UTP20: variants seen among roughly 807,000 people sequenced by gnomAD.
UTP20 encodes the protein UTP20 small subunit processome component, also known as small subunit processome component 20 homolog.
UTP20 carries 164 observed loss-of-function variants against 329.5 expected under a neutral mutation model. That is an observed-to-expected ratio of 0.50 (90% CI 0.44 to 0.57). The LOEUF is 0.57. UTP20 is among the 20% of genes least tolerant of loss of function. UTP20 has a pLI of 0.00. For synonymous variants in UTP20, 1,151 were observed against 1,159.3 expected, an observed-to-expected ratio of 0.99 and a Z score of 0.14; for missense variants, 3,055 against 3,284.2, an observed-to-expected ratio of 0.93 and a Z score of 1.71.
Position 101,280,318 on chromosome 12 carries a change from C to T in UTP20, c.36C>T (p.Asn12=), listed in dbSNP as rs1456307554. 6.4e-7 allele frequency: 1 copy of T among 1,551,748 alleles called. No homozygotes were observed. Among genetic ancestry groups the T allele is most frequent in the East Asian group, 2.4e-5 (1 of 40,926 alleles). ...AGCCCGTTTCCCACAAGACCGAGAA[C>T]ACCTACCGGGTGAGCGCGGGAGCTT... ...KTKPVSHKTE[N]TYRFLTFAER... The change falls in exon 1 of 62, where the codon AAC becomes AAT. Residue 12 remains asparagine (N), a synonymous_variant. Coordinates refer to ENST00000261637, the MANE Select transcript of UTP20 (RefSeq NM_014503.3).
rs370435453 is a variant in UTP20 at position 101,340,505 on chromosome 12, C to T, written c.4014-18C>T. 8.0e-6 allele frequency: 12 copies of T among 1,507,808 alleles called. No individual in the cohort carries two copies. Among genetic ancestry groups the T allele is most frequent in the East Asian group, 6.8e-5 (3 of 44,154 alleles). The allele number at this position is 1,507,808 out of a possible 1,614,324, so 93.4% of individuals were successfully genotyped here. Reference sequence around the variant, plus strand: ...TCCTTGTATATGTTCCTTATATATCCGTTTTTTCCTTCTTTAGGATCAGCA... The same window carrying T: ...TCCTTGTATATGTTCCTTATATATCTGTTTTTTCCTTCTTTAGGATCAGCA... On this transcript the variant is annotated intron_variant, in intron 31 of 61. Coordinates refer to ENST00000261637, the MANE Select transcript of UTP20 (RefSeq NM_014503.3).
Position 101,346,513 on chromosome 12 carries a change from T to C in UTP20, c.4809T>C (p.Val1603=). ...AACAACTAATGGAAGGCAAAGTTGT[T>C]CTGTCTTCTAAATCTCTTCAGAATT... ...LAKQLMEGKV[V]LSSKSLQNYI... is the part of the protein sequence containing the mutation. The change falls in exon 38 of 62, where the codon GTT becomes GTC. Residue 1603 remains valine (V), a synonymous_variant. Transcript: ENST00000261637. The C allele has an allele frequency of 6.2e-7, 1 of 1,610,680 alleles. No homozygotes were observed. Among genetic ancestry groups the C allele is most frequent in the Non-Finnish European group, 8.5e-7 (1 of 1,178,668 alleles).
chr12:101,308,935 G>A (rs1206990087), intron 18 of UTP20, among the ~76,000 whole-genome samples: 3 of 151,938 alleles, frequency 2.0e-5, no homozygotes, highest in Non-Finnish European at 2.9e-5. Context: ...GGGTTTCACC[G>A]TGTTAGCCAG....
At chr12:101,311,965 C>A (rs1444043941) in intron 20 of UTP20, 71 bp from the exon 21 acceptor site, 8 of 1,596,556 alleles carry the variant, frequency 5.0e-6, no homozygotes, top group African/African-American at 1.3e-5. Context: ...AAGAAATGCC[C>A]TCTCTTGAGA....
intron 14 of UTP20, among the ~76,000 whole-genome samples, chr12:101,300,839 A>G (rs527965854): frequency 2.6e-5 from 4 of 152,194 alleles, no homozygotes; most frequent in Non-Finnish European, 4.4e-5. Context: ...CTGTAGCCAT[A>G]TGTGACTGGT....
At chr12:101,347,170 A>G (rs1051875818) in intron 38 of UTP20, among the ~76,000 whole-genome samples, 18 of 152,196 alleles carry the variant, frequency 1.2e-4, no homozygotes, top group Admixed American at 9.8e-4. Flanking sequence ...TTTATATTAC[A>G]CAGTGCCTAG....
chr12:101,344,780 G>C, intron 36 of UTP20, 30 bp downstream of exon 36: 1 of 1,596,492 alleles, frequency 6.3e-7, no homozygotes, highest in Non-Finnish European at 8.5e-7. Context: ...AGGCACTACT[G>C]TCTGAGGCTG....
At chr12:101,333,278 A>G (rs777367990) in intron 27 of UTP20, 23 bp from the exon 28 acceptor site, 47 of 1,607,240 alleles carry the variant, frequency 2.9e-5, no homozygotes, top group Non-Finnish European at 4.0e-5. Context: ...GTATTTTTTG[A>G]ACAGAAGATC....
chr12:101,327,042 A>G, intron 25 of UTP20, 39 bp from the exon 26 acceptor site: 1 of 1,552,774 alleles, frequency 6.4e-7, no homozygotes, highest in Non-Finnish European at 8.8e-7. Flanking sequence ...ATATTTTAGA[A>G]TTAATGTGCA....
rs144178978 is a variant in UTP20, at chr12:101,306,723, C to G, written c.1957C>G (p.Leu653Val). ...GATTCGGCTTTTGACAATAAGGATCCTAAACCATTTTGATGTCCAGCTTCC... is the reference window on the plus strand; with the variant it reads ...GATTCGGCTTTTGACAATAAGGATCGTAAACCATTTTGATGTCCAGCTTCC... ...SKIRLLTIRI[L>V]NHFDVQLPES... Residue 653 changes from leucine (L) to valine (V), a missense_variant, in exon 17 of 62, where the codon CTA becomes GTA. Around this residue, in one of 3 missense-constraint regions of UTP20, gnomAD observed 2,445 missense variants for 2,575.5 expected, o/e 0.95. Transcript: ENST00000261637. 1.4e-5 allele frequency: 23 copies of G among 1,606,328 alleles called. No homozygotes were observed. In the African/African-American group the frequency reaches 2.8e-4, roughly 20 times the overall value.
chr12:101,382,938 G>T, intron 58 of UTP20, 103 bp from the exon 59 acceptor site: 12 of 1,377,894 alleles, frequency 8.7e-6, no homozygotes, highest in East Asian at 2.5e-5. Context: ...GTTTGTTTTT[G>T]TTTTCTAATT....
At chr12:101,303,507 G>A (rs1872578046) in intron 15 of UTP20, among the ~76,000 whole-genome samples, 1 of 152,144 alleles carries the variant, frequency 6.6e-6, no homozygotes, top group Non-Finnish European at 1.5e-5. Context: ...TGCGGTCTGG[G>A]CTGCTCCCTG....
Position 101,378,703 on chromosome 12 carries a change from G to A in UTP20, c.7397-668G>A, listed in dbSNP as rs116560761. 7.8e-3 allele frequency among the ~76,000 whole-genome samples: 1,178 copies of A among 151,382 alleles called. 15 individuals carry two copies. The highest frequency in any genetic ancestry group is 0.028 in the African/African-American group (1,135 of 41,226). ...CACTGCACTCCAGCCTGGGCAATGG[G>A]AATGAAACCCTGTCGCAAAAAAAAA... On this transcript the variant is annotated intron_variant, in intron 56 of 61. Coordinates refer to ENST00000261637, the MANE Select transcript of UTP20 (RefSeq NM_014503.3).
Position 101,338,032 on chromosome 12 carries a change from A to G in UTP20, c.3642-19A>G. Reference sequence around the variant, plus strand: ...ACATATTGAGAATAAGATGATTACTACAATGTTTTTTCTTCCAGATATTTC... The same window carrying G: ...ACATATTGAGAATAAGATGATTACTGCAATGTTTTTTCTTCCAGATATTTC... On this transcript the variant is annotated intron_variant, in intron 29 of 61. Coordinates refer to ENST00000261637, the MANE Select transcript of UTP20 (RefSeq NM_014503.3). 1.2e-6 allele frequency: 2 copies of G among 1,608,974 alleles called. No individual in the cohort carries two copies. Among genetic ancestry groups the G allele is most frequent in the East Asian group, 2.2e-5 (1 of 44,846 alleles).
At position 101,301,827 on chromosome 12, in the gene UTP20, G is replaced by A. The variant is rs534477707; in HGVS notation, c.1676-621G>A. Among the ~76,000 whole-genome samples, 207 of 152,236 alleles carry A rather than the reference G, an allele frequency of 1.4e-3. 1 individual carries two copies. The highest frequency in any genetic ancestry group is 4.7e-3 in the African/African-American group (194 of 41,540). ...AAATCCAAGCCTGCACTCCTCAAAA[G>A]TACTAGTTTTGATAACATCAGTGAG... is the stretch of plus-strand genomic sequence containing the variant. On this transcript the variant is annotated intron_variant, in intron 14 of 61. Coordinates refer to ENST00000261637, the MANE Select transcript of UTP20 (RefSeq NM_014503.3).
chr12:101,360,256 G>C (rs1869867990), intron 43 of UTP20, among the ~76,000 whole-genome samples: 1 of 152,204 alleles, frequency 6.6e-6, no homozygotes, highest in African/African-American at 2.4e-5. Flanking sequence ...TTACAGGAAA[G>C]TTGGGCACAG....
chr12:101,291,052 A>AT (rs1872129850), intron 8 of UTP20, 164 bp downstream of exon 8: 2 of 624,888 alleles, frequency 3.2e-6, no homozygotes, highest in Non-Finnish European at 4.9e-6. Flanking sequence ...CCCCTGTGCT[A>AT]TTTTTTATTT....
In UTP20 at chr12:101,308,193, G is replaced by A; in HGVS notation, c.2004G>A (p.Gly668=). The A allele has an allele frequency of 6.2e-7, 1 of 1,606,152 alleles. No individual in the cohort carries two copies. The highest frequency in any genetic ancestry group is 8.5e-7 in the Non-Finnish European group (1 of 1,176,632). The stretch of plus-strand genomic sequence containing the variant: ...TTTCTCTGGTTATTCAGGATGATGG[G>A]CTCTCAGAGCGGCAGTCTGTCTTTG... ...VQLPESMEDD[G]LSERQSVFAI... is the part of the protein sequence containing the mutation. Residue 668 remains glycine (G), a synonymous_variant, in exon 18 of 62, where the codon GGG becomes GGA. Transcript: ENST00000261637.
In UTP20 at chr12:101,307,540, C is replaced by T. The variant is rs529462783; in HGVS notation, c.1996-645C>T. On this transcript the variant is annotated intron_variant, in intron 17 of 61. Transcript: ENST00000261637. The stretch of plus-strand genomic sequence containing the variant: ...TATAGGTGCCTGCCACCACGCCTGG[C>T]TAATTTTTGTATTGTTAGTAAAGAT... Among the ~76,000 whole-genome samples, 3 of 152,204 alleles carry T rather than the reference C, an allele frequency of 2.0e-5. No individual in the cohort carries two copies. In the East Asian group the frequency reaches 5.8e-4, roughly 29 times the overall value.
Sources: gnomAD v4.1 joint callset for allele counts (sites outside exome capture counted in the v4.1 genomes callset) on GRCh38, gnomAD v4.1.1 for gene constraint, gnomAD v4.1.1 regional missense constraint, MANE v1.5 for transcripts, NCBI Gene and HGNC (gene_info 2026-07-23, HGNC 2026-07-21) for gene names.